PCDH7: variants seen among roughly 807,000 people sequenced by gnomAD.
PCDH7 encodes protocadherin-7.
A neutral mutation model predicts 58.9 loss-of-function variants in PCDH7; 17 were observed. The observed-to-expected ratio is 0.29, with a 90% CI of 0.20 to 0.43. The LOEUF is 0.43. Among genes scored for constraint, PCDH7 ranks in the 20% least tolerant of loss-of-function variants. The pLI, the probability that PCDH7 is intolerant of heterozygous loss-of-function variation, is 1.00. For synonymous variants in PCDH7, 664 were observed against 616.4 expected, an observed-to-expected ratio of 1.08 and a Z score of -1.14; for missense variants, 1,274 against 1,441.0, an observed-to-expected ratio of 0.88 and a Z score of 1.88.
intron 3 of PCDH7, among the ~76,000 whole-genome samples, chr4:30,999,859 T>C (rs1384511697): frequency 6.6e-6 from 1 of 152,130 alleles, no homozygotes; most frequent in South Asian, 2.1e-4. Context: ...ATTTAGATTA[T>C]AATTCCGAGG....
chr4:31,127,631 A>G (rs1348943582), intron 3 of PCDH7, among the ~76,000 whole-genome samples: 1 of 152,198 alleles, frequency 6.6e-6, no homozygotes, highest in African/African-American at 2.4e-5. Context: ...GTGTAAATTC[A>G]GAATATCTCA....
At chr4:30,959,814 A>G (rs1748212260) in intron 3 of PCDH7, among the ~76,000 whole-genome samples, 1 of 152,006 alleles carries the variant, frequency 6.6e-6, no homozygotes, top group Admixed American at 6.6e-5. Flanking sequence ...GGTAGTTGTT[A>G]TTTATTTGTC....
chr4:31,042,638 C>T (rs1755973421), intron 3 of PCDH7, among the ~76,000 whole-genome samples: 1 of 152,042 alleles, frequency 6.6e-6, no homozygotes, highest in Non-Finnish European at 1.5e-5. Context: ...AAAAATTTTA[C>T]TCTTTAGGGA....
At chr4:30,737,353 T>G (rs1223826372), downstream of PCDH7, among the ~76,000 whole-genome samples, 1 of 152,208 alleles carries the variant, frequency 6.6e-6, no homozygotes, top group Non-Finnish European at 1.5e-5. Flanking sequence ...GTTTTCAATA[T>G]ATTATATTTA....
chr4:31,082,140 C>G (rs776407178), intron 3 of PCDH7, among the ~76,000 whole-genome samples: 1 of 152,106 alleles, frequency 6.6e-6, no homozygotes. Context: ...AAAACAGGCA[C>G]CAAATATTAG....
intron 1 of PCDH7, among the ~76,000 whole-genome samples, chr4:30,790,986 GA>G (rs1560373703): frequency 1.3e-5 from 2 of 152,080 alleles, no homozygotes; most frequent in East Asian, 1.9e-4. Flanking sequence ...GCTGTAGACA[GA>G]AAAAAAGGGA....
chr4:30,908,460 G>A (rs2109402300), intron 1 of PCDH7, among the ~76,000 whole-genome samples: 1 of 152,080 alleles, frequency 6.6e-6, no homozygotes, highest in South Asian at 2.1e-4. Flanking sequence ...GAAAAATGTG[G>A]GAATGAGGAG....
intron 3 of PCDH7, among the ~76,000 whole-genome samples, chr4:31,033,594 G>C (rs1442726437): frequency 6.6e-6 from 1 of 152,020 alleles, no homozygotes; most frequent in African/African-American, 2.4e-5. Context: ...ATAAAAACAA[G>C]CTTTTGGCAA....
chr4:31,051,453 A>G (rs1008964843), intron 3 of PCDH7, among the ~76,000 whole-genome samples: 7 of 152,202 alleles, frequency 4.6e-5, no homozygotes, highest in African/African-American at 1.7e-4. Flanking sequence ...TAGTGAAGCT[A>G]CAGATAAGTA....
chr4:31,114,466 C>T (rs1252525971), intron 3 of PCDH7, among the ~76,000 whole-genome samples: 2 of 152,034 alleles, frequency 1.3e-5, no homozygotes, highest in Admixed American at 1.3e-4. Flanking sequence ...CAGATATTGA[C>T]CTATAAATTA....
In PCDH7 at chr4:31,013,571, T is replaced by A. The variant is rs181461071; in HGVS notation, c.*7+63356T>A. Among the ~76,000 whole-genome samples the A allele has an allele frequency of 1.4e-4, 19 of 140,518 alleles. No individual in the cohort carries two copies. The East Asian group carries it at 3.9e-3, about 29-fold the overall frequency. The allele number at this position is 140,518 out of a possible 152,430, so 92.2% of individuals were successfully genotyped here. A position where few individuals can be genotyped will look rare whatever the true frequency, so the allele number is the denominator to read the frequency against. On this transcript the variant is annotated intron_variant, in intron 3 of 3. Transcript: ENST00000509759. ...ATAGTCTCCTTTCCCAGAGAAAGAG[T>A]ATGTCCATATATATATTTTATACAC...
At chr4:30,950,056 T>G (rs1483382432) in intron 2 of PCDH7, 1 of 152,616 alleles carries the variant, frequency 6.6e-6, no homozygotes, top group Non-Finnish European at 1.5e-5. Flanking sequence ...GGTCTATGGA[T>G]GGACACCATT....
chr4:30,721,304 C>T lies in PCDH7; in HGVS notation c.-119C>T, dbSNP rs545725102. The T allele has an allele frequency of 1.9e-6, 2 of 1,066,420 alleles. No individual in the cohort carries two copies. The highest frequency in any genetic ancestry group is 2.8e-5 in the East Asian group (1 of 35,968). 66.1% of individuals were successfully genotyped at this position (1,066,420 alleles called of 1,614,324 possible). A position where few individuals can be genotyped will look rare whatever the true frequency, so the allele number is the denominator to read the frequency against. On this transcript the variant is annotated 5_prime_UTR_variant, in exon 1 of 2. Transcript: ENST00000361762. The surrounding 1 kb of genome is among the most constrained non-coding windows in gnomAD (Gnocchi z 6.7). Reference sequence around the variant, plus strand: ...TGCCCCCTCCCTCCCCTCCCTCTCGCTCCTTCCTTTCCGGGAGAGGGGAGA... The same window carrying T: ...TGCCCCCTCCCTCCCCTCCCTCTCGTTCCTTCCTTTCCGGGAGAGGGGAGA...
chr4:31,072,933 A>G (rs916470250), intron 3 of PCDH7, among the ~76,000 whole-genome samples: 2 of 152,124 alleles, frequency 1.3e-5, no homozygotes, highest in Admixed American at 1.3e-4. Context: ...ATCAAAAGGC[A>G]GTATAATAAA....
intron 3 of PCDH7, among the ~76,000 whole-genome samples, chr4:31,095,585 T>C (rs921714613): frequency 6.6e-5 from 10 of 152,192 alleles, no homozygotes; most frequent in Non-Finnish European, 1.2e-4. Context: ...AATTTCAGTA[T>C]AGATATTTAT....
At chr4:30,987,071 T>C (rs1392062655) in intron 3 of PCDH7, among the ~76,000 whole-genome samples, 1 of 152,230 alleles carries the variant, frequency 6.6e-6, no homozygotes, top group Non-Finnish European at 1.5e-5. Flanking sequence ...AATCACAGTA[T>C]TCATAGATCA....
chr4:30,944,217 G>A (rs1257207249), intron 2 of PCDH7, among the ~76,000 whole-genome samples: 2 of 152,124 alleles, frequency 1.3e-5, no homozygotes, highest in South Asian at 2.1e-4. Flanking sequence ...GAGCGGATAG[G>A]ATAATCCAGA....
chr4:30,902,712 G>A (rs1427664473), intron 1 of PCDH7, among the ~76,000 whole-genome samples: 1 of 151,902 alleles, frequency 6.6e-6, no homozygotes, highest in Non-Finnish European at 1.5e-5. Flanking sequence ...AAGTCATAAG[G>A]AAAAAAGTTT....
chr4:30,829,201 A>G (rs1253674697), intron 1 of PCDH7, among the ~76,000 whole-genome samples: 1 of 152,034 alleles, frequency 6.6e-6, no homozygotes, highest in Admixed American at 6.6e-5. Flanking sequence ...AGAGAGAGAG[A>G]GGACTCTACC....
Sources: gnomAD v4.1 joint callset for allele counts (sites outside exome capture counted in the v4.1 genomes callset) on GRCh38, gnomAD v4.1.1 for gene constraint, Gnocchi (gnomAD v3.1) non-coding constraint, MANE v1.5 for transcripts, NCBI Gene and HGNC (gene_info 2026-07-23, HGNC 2026-07-21) for gene names.